Variants in DBNL observed in about 807,000 individuals in gnomAD.
DBNL encodes the protein drebrin-like protein.
In DBNL, 35 loss-of-function variants were observed where a neutral mutation model predicts 62.2. The ratio of observed to expected loss-of-function variants is 0.56; its 90% CI spans 0.43 to 0.75. DBNL has a LOEUF of 0.75. Among genes scored for constraint, DBNL ranks in the 30% least tolerant of loss-of-function variants. The pLI is 0.00. For missense variants in DBNL, 495 were observed against 578.4 expected (o/e 0.86, Z 1.48); for synonymous variants, 197 against 218.0 (o/e 0.90, Z 0.85).
chr7:44,057,025 G>A, intron 5 of DBNL, 122 bp downstream of exon 5: 2 of 1,407,346 alleles, frequency 1.4e-6, no homozygotes, highest in Admixed American at 2.0e-5. Flanking sequence ...TTCTGCAGAT[G>A]GTAACCCCTG....
Position 44,059,599 on chromosome 7 carries a change from G to A in DBNL, c.988G>A (p.Glu330Lys), listed in dbSNP as rs1241083176. The A allele has an allele frequency of 2.5e-6, 4 of 1,611,538 alleles. No homozygotes were observed. The highest frequency in any genetic ancestry group is 2.5e-6 in the Non-Finnish European group (3 of 1,179,950). ...STPPCLVQAE[E>K]EAVYEEPPEQ... Reference sequence around the variant, plus strand: ...TCCTCCATGTCTGGTGCAGGCAGAAGAGGAGGCTGTGTATGAGGAACCTCC... The same window carrying A: ...TCCTCCATGTCTGGTGCAGGCAGAAAAGGAGGCTGTGTATGAGGAACCTCC... Residue 330 changes from glutamate to lysine, a missense_variant, in exon 11 of 13, where the codon GAG becomes AAG. Transcript: ENST00000448521. This position sits in a 1 kb window ranked among gnomAD's most constrained non-coding sequence, Gnocchi z 4.1.
chr7:44,064,797 A>ACCCCC lies in DBNL; in HGVS notation c.*3884_*3885insCCCCC. On this transcript the variant is annotated 3_prime_UTR_variant, in exon 13 of 13. Transcript: ENST00000448521. ...GAGAAGCCAGCTGGGGCTGCTGCCC[A>ACCCCC]CCCACCCTGCCCAGGCTCCTGAAGG... The ACCCCC allele has an allele frequency of 1.6e-6, 1 of 633,304 alleles. No homozygotes were observed. The highest frequency in any genetic ancestry group is 2.8e-6 in the Non-Finnish European group (1 of 361,384). The allele number at this position is 633,304 out of a possible 1,614,324, so 39.2% of individuals were successfully genotyped here.
At position 44,066,115 on chromosome 7, in the gene DBNL, G is replaced by C. The variant is rs550521929; in HGVS notation, c.*5199G>C. On this transcript the variant is annotated 3_prime_UTR_variant, in exon 13 of 13. Transcript: ENST00000448521. The stretch of plus-strand genomic sequence containing the variant: ...AGCAGCAGAATGGGCAAGGGCTGGG[G>C]CTGAGCCGGGTTTCCAGGACAAAGG... 1 of 181,596 alleles carries C rather than the reference G, an allele frequency of 5.5e-6. No homozygotes were observed. Among genetic ancestry groups the C allele is most frequent in the Non-Finnish European group, 1.2e-5 (1 of 84,170 alleles). The allele number at this position is 181,596 out of a possible 1,614,324, so 11.2% of individuals were successfully genotyped here.
rs530105632 is a variant in DBNL, at chr7:44,065,149, G to A, written c.*4233G>A. The A allele has an allele frequency of 2.2e-5, 36 of 1,614,090 alleles. 1 individual carries two copies. Among genetic ancestry groups the A allele is most frequent in the South Asian group, 6.6e-5 (6 of 91,092 alleles). On this transcript the variant is annotated 3_prime_UTR_variant, in exon 13 of 13. Coordinates refer to ENST00000448521, the MANE Select transcript of DBNL (RefSeq NM_001014436.3). ...TGGAGTTGTAGTAGGGGTGCTTCTC[G>A]TCCATCGGGGGCGGCGGGATGTCGA... is the stretch of plus-strand genomic sequence containing the variant.
chr7:44,059,014 G>A lies in DBNL; in HGVS notation c.835+31G>A. 1 of 1,611,116 alleles carries A rather than the reference G, an allele frequency of 6.2e-7. No homozygotes were observed. The highest frequency in any genetic ancestry group is 1.3e-5 in the African/African-American group (1 of 74,968). On this transcript the variant is annotated intron_variant, in intron 9 of 12. Coordinates refer to ENST00000448521, the MANE Select transcript of DBNL (RefSeq NM_001014436.3). This position sits in a 1 kb window ranked among gnomAD's most constrained non-coding sequence, Gnocchi z 4.1. ...CTCTCCCTTTGGGCCTGGCCATGAGGCAGCAGCAGGCTGAGGGGGAGCCTG... is the reference window on the plus strand; with the variant it reads ...CTCTCCCTTTGGGCCTGGCCATGAGACAGCAGCAGGCTGAGGGGGAGCCTG...
chr7:44,047,167 G>T (rs1351323192), intron 1 of DBNL, among the ~76,000 whole-genome samples: 3 of 152,168 alleles, frequency 2.0e-5, no homozygotes, highest in African/African-American at 7.2e-5. Context: ...AAATATGCTG[G>T]AAATCCTTAT....
In DBNL at chr7:44,061,259, C is replaced by A; in HGVS notation, c.*343C>A. On this transcript the variant is annotated 3_prime_UTR_variant, in exon 13 of 13. Coordinates refer to ENST00000448521, the MANE Select transcript of DBNL (RefSeq NM_001014436.3). ...AGCAGGGGCATCTGGGAGGCTCTGG[C>A]TGCCTTCTGCATTTATTTGCCTTTT... The A allele has an allele frequency of 3.5e-6, 1 of 282,932 alleles. No individual in the cohort carries two copies. The highest frequency in any genetic ancestry group is 6.7e-6 in the Non-Finnish European group (1 of 148,892). 17.5% of individuals were successfully genotyped at this position (282,932 alleles called of 1,614,324 possible). A position where few individuals can be genotyped will look rare whatever the true frequency, so the allele number is the denominator to read the frequency against.
Position 44,065,887 on chromosome 7 carries a change from G to A in DBNL, c.*4971G>A, listed in dbSNP as rs929650665. 3 of 408,692 alleles carry A rather than the reference G, an allele frequency of 7.3e-6. No individual in the cohort carries two copies. The highest frequency in any genetic ancestry group is 7.3e-4 in the Middle Eastern group (1 of 1,376). The allele number at this position is 408,692 out of a possible 1,614,324, so 25.3% of individuals were successfully genotyped here. On this transcript the variant is annotated 3_prime_UTR_variant, in exon 13 of 13. Coordinates refer to ENST00000448521, the MANE Select transcript of DBNL (RefSeq NM_001014436.3). ...GAGATGGGGATAGCAGGGACAGAGG[G>A]GCTCTCCAGGGCAACGCTCAGTGGC...
rs767735812 is a variant in DBNL at position 44,062,975 on chromosome 7, C to CT, written c.*2060dup. On this transcript the variant is annotated 3_prime_UTR_variant, in exon 13 of 13. Transcript: ENST00000448521. ...TGTCCTTAGCCCCTCTGTCCCCAGC[C>CT]TGTTTACACAGCAGACACTATGTGA... The CT allele has an allele frequency of 1.9e-6, 3 of 1,598,588 alleles. No individual in the cohort carries two copies. The highest frequency in any genetic ancestry group is 2.6e-6 in the Non-Finnish European group (3 of 1,165,960).
chr7:44,062,735 G>A lies in DBNL; in HGVS notation c.*1819G>A. 1 of 1,612,430 alleles carries A rather than the reference G, an allele frequency of 6.2e-7. No homozygotes were observed. Among genetic ancestry groups the A allele is most frequent in the South Asian group, 1.1e-5 (1 of 90,962 alleles). On this transcript the variant is annotated 3_prime_UTR_variant, in exon 13 of 13. Transcript: ENST00000448521. ...TGCGCTGGACTCCAGGCTGTTGGGG[G>A]AGGTGCCTTTATTGCCCAAGCCCAC...
chr7:44,057,001 C>T, intron 5 of DBNL, 98 bp downstream of exon 5: 1 of 1,539,676 alleles, frequency 6.5e-7, no homozygotes, highest in East Asian at 2.3e-5. Context: ...TGGCTGGGCC[C>T]ATGCCTGCTT....
chr7:44,063,186 G>A lies in DBNL; in HGVS notation c.*2270G>A. On this transcript the variant is annotated 3_prime_UTR_variant, in exon 13 of 13. Coordinates refer to ENST00000448521, the MANE Select transcript of DBNL (RefSeq NM_001014436.3). The stretch of plus-strand genomic sequence containing the variant: ...CCAAGTGGCTGTGATCTGTGGTGGT[G>A]CTGTCCATAGTTCCCTCAGCCCAGT... The A allele has an allele frequency of 3.7e-6, 2 of 537,764 alleles. No individual in the cohort carries two copies. Among genetic ancestry groups the A allele is most frequent in the East Asian group, 3.5e-5 (1 of 28,852 alleles). 33.3% of individuals were successfully genotyped at this position (537,764 alleles called of 1,614,324 possible).
At chr7:44,050,431 T>A (rs906580333) in intron 2 of DBNL, 151 bp downstream of exon 2, 8 of 714,408 alleles carry the variant, frequency 1.1e-5, no homozygotes, top group Admixed American at 7.2e-5. Context: ...TTCAGATATG[T>A]GTAAGTGAAA....
chr7:44,058,553 G>A, intron 8 of DBNL, 73 bp downstream of exon 8: 2 of 1,574,846 alleles, frequency 1.3e-6, no homozygotes, highest in South Asian at 1.2e-5. Flanking sequence ...CGGATTGAGG[G>A]CCCAGCCCAG....
chr7:44,057,550 G>A (rs1290600583), intron 5 of DBNL, among the ~76,000 whole-genome samples: 1 of 152,166 alleles, frequency 6.6e-6, no homozygotes, highest in Non-Finnish European at 1.5e-5. Context: ...GACCCCTCTA[G>A]TGTTGTCTGG....
Position 44,062,289 on chromosome 7 carries a change from C to G in DBNL, c.*1373C>G, listed in dbSNP as rs1044048261. The G allele has an allele frequency of 5.0e-6, 1 of 201,532 alleles. No homozygotes were observed. Among genetic ancestry groups the G allele is most frequent in the East Asian group, 1.2e-4 (1 of 8,648 alleles). 12.5% of individuals were successfully genotyped at this position (201,532 alleles called of 1,614,324 possible). A position where few individuals can be genotyped will look rare whatever the true frequency, so the allele number is the denominator to read the frequency against. On this transcript the variant is annotated 3_prime_UTR_variant, in exon 13 of 13. Coordinates refer to ENST00000448521, the MANE Select transcript of DBNL (RefSeq NM_001014436.3). ...TGGGCTGTTGCCAGCTTTGAGGCCC[C>G]CTGTGGGCTTGCCTGTCCCAACCCA...
Position 44,059,560 on chromosome 7 carries a change from C to CCCT in DBNL, c.950_951insCTC (p.Pro317_Ala318insSer). The CCCT allele has an allele frequency of 6.2e-7, 1 of 1,612,672 alleles. No individual in the cohort carries two copies. The highest frequency in any genetic ancestry group is 8.5e-7 in the Non-Finnish European group (1 of 1,179,820). On this transcript the variant is annotated inframe_insertion, in exon 11 of 13. Coordinates refer to ENST00000448521, the MANE Select transcript of DBNL (RefSeq NM_001014436.3). This position sits in a 1 kb window ranked among gnomAD's most constrained non-coding sequence, Gnocchi z 4.1. ...TGGTGCAGATCTCCCTGCTGAGGAG[C>CCCT]CGGCGCCCAGCACTCCTCCATGTCT...
rs376649290 is a variant in DBNL at position 44,065,467 on chromosome 7, A to G, written c.*4551A>G. 1.2e-6 allele frequency: 2 copies of G among 1,613,950 alleles called. No homozygotes were observed. Among genetic ancestry groups the G allele is most frequent in the African/African-American group, 1.3e-5 (1 of 74,908 alleles). On this transcript the variant is annotated 3_prime_UTR_variant, in exon 13 of 13. Coordinates refer to ENST00000448521, the MANE Select transcript of DBNL (RefSeq NM_001014436.3). ...GCTCTGCATCGAACCAGCCACAGAAACGGTTCTCCTGGTTCCATGTGCTCT... is the reference window on the plus strand; with the variant it reads ...GCTCTGCATCGAACCAGCCACAGAAGCGGTTCTCCTGGTTCCATGTGCTCT...
chr7:44,069,070 G>GAAA lies in DBNL; in HGVS notation c.*8155_*8157dup, dbSNP rs71874404. On this transcript the variant is annotated 3_prime_UTR_variant, in exon 13 of 13. Coordinates refer to ENST00000448521, the MANE Select transcript of DBNL (RefSeq NM_001014436.3). Reference sequence around the variant, plus strand: ...TTCTATTTTACTGGAATAAAAGAATGAAATAAAGACATTCTCAAATGAAGG... The same window carrying GAAA: ...TTCTATTTTACTGGAATAAAAGAATGAAAAAATAAAGACATTCTCAAATGAAGG... 2.0e-5 allele frequency: 3 copies of GAAA among 152,102 alleles called. No homozygotes were observed. The highest frequency in any genetic ancestry group is 6.5e-5 in the Admixed American group (1 of 15,274). 9.4% of individuals were successfully genotyped at this position (152,102 alleles called of 1,614,324 possible).
Sources: gnomAD v4.1 joint callset for allele counts (sites outside exome capture counted in the v4.1 genomes callset) on GRCh38, gnomAD v4.1.1 for gene constraint, Gnocchi (gnomAD v3.1) non-coding constraint, MANE v1.5 for transcripts, NCBI Gene and HGNC (gene_info 2026-07-23, HGNC 2026-07-21) for gene names.